Variants in ASTN1 observed in about 807,000 individuals in gnomAD.
ASTN1 encodes the protein astrotactin-1.
ASTN1 carries 41 observed loss-of-function variants against 140.7 expected under a neutral mutation model. That is an observed-to-expected ratio of 0.29 (90% CI 0.23 to 0.38). The LOEUF (loss-of-function observed/expected upper bound fraction) is 0.38, where lower values mean the gene tolerates loss of function less well. Among genes scored for constraint, ASTN1 ranks in the 10% least tolerant of loss-of-function variants. The pLI is 1.00. For missense variants in ASTN1, 1,479 were observed against 1,678.8 expected (o/e 0.88, Z 2.08); for synonymous variants, 640 against 652.2 (o/e 0.98, Z 0.29).
intron 1 of ASTN1, among the ~76,000 whole-genome samples, chr1:177,144,632 G>C (rs1682640381): frequency 6.7e-6 from 1 of 148,934 alleles, no homozygotes; most frequent in Admixed American, 6.8e-5. Flanking sequence ...AGGTAATCTG[G>C]TCTAATTTAG....
At chr1:177,051,757 T>C (rs958535977) in intron 2 of ASTN1, among the ~76,000 whole-genome samples, 3 of 152,152 alleles carry the variant, frequency 2.0e-5, no homozygotes, top group Admixed American at 1.3e-4. Context: ...GCATCAGGAC[T>C]CAGAATCTCT....
chr1:177,065,673 G>C (rs1291020889), intron 1 of ASTN1, among the ~76,000 whole-genome samples: 1 of 152,182 alleles, frequency 6.6e-6, no homozygotes, highest in African/African-American at 2.4e-5. Flanking sequence ...TTAAGCTGCA[G>C]GGGGGATGAG....
intron 5 of ASTN1, among the ~76,000 whole-genome samples, chr1:177,028,390 GAT>G (rs1676243111): frequency 6.6e-6 from 1 of 152,106 alleles, no homozygotes; most frequent in Admixed American, 6.5e-5. Context: ...GAGCCACAAT[GAT>G]CTCTTGAGAA....
chr1:177,153,846 C>G (rs1683138174), intron 1 of ASTN1, among the ~76,000 whole-genome samples: 1 of 151,902 alleles, frequency 6.6e-6, no homozygotes, highest in South Asian at 2.1e-4. Flanking sequence ...CTAAAATGCT[C>G]CTAAAAATAT....
intron 1 of ASTN1, among the ~76,000 whole-genome samples, chr1:177,112,833 T>C (rs948211568): frequency 3.9e-5 from 6 of 152,152 alleles, no homozygotes; most frequent in Non-Finnish European, 8.8e-5. Flanking sequence ...AGTCAGTCTG[T>C]TATGCCCAGT....
At chr1:176,951,396 T>C (rs1196138688) in intron 11 of ASTN1, among the ~76,000 whole-genome samples, 1 of 152,230 alleles carries the variant, frequency 6.6e-6, no homozygotes, top group Non-Finnish European at 1.5e-5. Context: ...GACATGGAAG[T>C]TTGATTGGAA....
intron 1 of ASTN1, among the ~76,000 whole-genome samples, chr1:177,064,514 G>C (rs1678254204): frequency 6.6e-6 from 1 of 152,166 alleles, no homozygotes; most frequent in Admixed American, 6.5e-5. Context: ...AGCACCAATG[G>C]AAGAACAGGT....
At chr1:177,161,563 C>A (rs1485010446) in intron 1 of ASTN1, among the ~76,000 whole-genome samples, 3 of 152,164 alleles carry the variant, frequency 2.0e-5, no homozygotes, top group Non-Finnish European at 2.9e-5. Context: ...GGGCAAAGAG[C>A]CTTCCAGGCA....
intron 1 of ASTN1, among the ~76,000 whole-genome samples, chr1:177,158,431 T>C (rs980052947): frequency 6.6e-6 from 1 of 152,158 alleles, no homozygotes. Context: ...ACATTCGAAA[T>C]TTCCATAGAC....
intron 8 of ASTN1, among the ~76,000 whole-genome samples, chr1:177,007,824 T>G (rs1675072839): frequency 6.6e-6 from 1 of 152,176 alleles, no homozygotes; most frequent in African/African-American, 2.4e-5. Context: ...ATCAAAGGCC[T>G]TTGTGCAAAT....
chr1:176,862,491 A>G lies in ASTN1; in HGVS notation c.*1793T>C. The G allele has an allele frequency of 5.1e-6, 5 of 985,434 alleles. No homozygotes were observed. Among genetic ancestry groups the G allele is most frequent in the Non-Finnish European group, 6.0e-6 (5 of 829,958 alleles). The allele number at this position is 985,434 out of a possible 1,614,324, so 61.0% of individuals were successfully genotyped here. On this transcript the variant is annotated 3_prime_UTR_variant, in exon 23 of 23. Coordinates refer to ENST00000361833, the MANE Select transcript of ASTN1 (RefSeq NM_004319.3). ...CATGCCACAGATGCTTGGGAAAGGT[A>G]AAGCTCTCTGGGCAGGTTCCCTGTG...
At chr1:176,987,533 C>T (rs1673959888) in intron 8 of ASTN1, among the ~76,000 whole-genome samples, 1 of 152,160 alleles carries the variant, frequency 6.6e-6, no homozygotes, top group Non-Finnish European at 1.5e-5. Flanking sequence ...AAGTTCAAAG[C>T]CTTCTGGCCA....
At chr1:177,004,369 C>G (rs917095150) in intron 8 of ASTN1, among the ~76,000 whole-genome samples, 2 of 152,000 alleles carry the variant, frequency 1.3e-5, no homozygotes, top group African/African-American at 4.8e-5. Context: ...TTGGAAGAAC[C>G]AATATCATGA....
intron 1 of ASTN1, among the ~76,000 whole-genome samples, chr1:177,138,923 T>C (rs939042739): frequency 6.6e-6 from 1 of 152,212 alleles, no homozygotes; most frequent in Admixed American, 6.5e-5. Flanking sequence ...GAATAAAACT[T>C]GGCTGTGGTC....
At chr1:176,997,145 C>T (rs773854269) in intron 8 of ASTN1, among the ~76,000 whole-genome samples, 32 of 152,128 alleles carry the variant, frequency 2.1e-4, no homozygotes, top group Non-Finnish European at 4.0e-4. Context: ...GATTGCATTG[C>T]CACCTGGTAT....
At chr1:177,003,092 T>C (rs902887245) in intron 8 of ASTN1, among the ~76,000 whole-genome samples, 3 of 152,036 alleles carry the variant, frequency 2.0e-5, no homozygotes, top group Non-Finnish European at 4.4e-5. Flanking sequence ...CCACTGAAAC[T>C]ATTCCAAAAG....
At chr1:177,084,916 C>T (rs145767505) in intron 1 of ASTN1, among the ~76,000 whole-genome samples, 11 of 152,102 alleles carry the variant, frequency 7.2e-5, no homozygotes, top group Non-Finnish European at 1.5e-4. Context: ...TCTGTTTCTG[C>T]CTCAAACAAT....
intron 1 of ASTN1, among the ~76,000 whole-genome samples, chr1:177,103,811 T>C (rs1459419974): frequency 6.6e-6 from 1 of 152,102 alleles, no homozygotes; most frequent in Non-Finnish European, 1.5e-5. Flanking sequence ...AGTGACAAAG[T>C]AACTTGCCTA....
chr1:176,890,520 G>A (rs1205044956), intron 17 of ASTN1, among the ~76,000 whole-genome samples: 2 of 152,176 alleles, frequency 1.3e-5, no homozygotes, highest in Non-Finnish European at 2.9e-5. Flanking sequence ...GGGAGACAGG[G>A]CTGAAACACA....
Sources: allele counts gnomAD v4.1 joint callset (sites outside exome capture counted in the v4.1 genomes callset), GRCh38; gene constraint gnomAD v4.1.1; transcripts MANE v1.5; gene names NCBI Gene and HGNC (gene_info 2026-07-23, HGNC 2026-07-21).